Variants in OPCML observed in about 807,000 individuals in gnomAD.
OPCML encodes opioid binding protein/cell adhesion molecule like, also known as opioid-binding protein/cell adhesion molecule.
Under a neutral mutation model 37.8 loss-of-function variants are expected in OPCML, and 13 were observed. The observed-to-expected ratio is 0.34, with a 90% CI of 0.22 to 0.55. OPCML has a LOEUF of 0.55. Among genes scored for constraint, OPCML ranks in the 20% least tolerant of loss-of-function variants. OPCML has a pLI of 0.91. For missense variants in OPCML, 341 were observed against 435.6 expected, an observed-to-expected ratio of 0.78 and a Z score of 1.93; for synonymous variants, 176 against 168.8, an observed-to-expected ratio of 1.04 and a Z score of -0.33.
At chr11:133,310,890 CTTTGT>C (rs990605576) in intron 1 of OPCML, among the ~76,000 whole-genome samples, 2 of 152,192 alleles carry the variant, frequency 1.3e-5, no homozygotes, top group African/African-American at 4.8e-5. Context: ...ACATACTTTG[CTTTGT>C]TCTGGAAAAC....
chr11:132,955,618 T>A (rs140840401), intron 1 of OPCML, among the ~76,000 whole-genome samples: 1 of 152,262 alleles, frequency 6.6e-6, no homozygotes, highest in African/African-American at 2.4e-5. Flanking sequence ...GCGCGGTGGC[T>A]CATGCCTGTA....
intron 2 of OPCML, among the ~76,000 whole-genome samples, chr11:132,908,216 C>A (rs1331321076): frequency 6.6e-6 from 1 of 152,088 alleles, no homozygotes; most frequent in Non-Finnish European, 1.5e-5. Context: ...AGGAGCATGA[C>A]AAATGATGTT....
intron 1 of OPCML, among the ~76,000 whole-genome samples, chr11:133,448,888 T>C (rs1026088351): frequency 1.3e-5 from 2 of 152,240 alleles, no homozygotes; most frequent in African/African-American, 4.8e-5. Flanking sequence ...ACAATGAATA[T>C]TGTGGTTTAT....
chr11:133,101,226 A>C (rs912952957), intron 1 of OPCML, among the ~76,000 whole-genome samples: 1 of 152,152 alleles, frequency 6.6e-6, no homozygotes, highest in Admixed American at 6.6e-5. Flanking sequence ...CCCAGCCCAC[A>C]ACAGTGAGTT....
intron 1 of OPCML, among the ~76,000 whole-genome samples, chr11:133,103,506 GA>G (rs2137076397): frequency 6.6e-6 from 1 of 152,342 alleles, no homozygotes; most frequent in South Asian, 2.1e-4. Flanking sequence ...GCCAGGCATG[GA>G]GGTGTGGATT....
At chr11:132,801,825 T>G (rs1425785787) in intron 2 of OPCML, among the ~76,000 whole-genome samples, 1 of 152,218 alleles carries the variant, frequency 6.6e-6, no homozygotes, top group African/African-American at 2.4e-5. Flanking sequence ...CATACAGTAT[T>G]CTATGTGCTT....
At position 133,208,735 on chromosome 11, in the gene OPCML, C is replaced by G. The variant is rs1474827135; in HGVS notation, c.62-265725G>C. Among the ~76,000 whole-genome samples, 2 of 152,200 alleles carry G rather than the reference C, an allele frequency of 1.3e-5. No individual in the cohort carries two copies. Among genetic ancestry groups the G allele is most frequent in the Non-Finnish European group, 2.9e-5 (2 of 68,046 alleles). ...CAAGTGAATAAAGGCTGCTGTAAGA[C>G]TGAAGCACACGTTATCTAAAGCAAT... On this transcript the variant is annotated intron_variant, in intron 1 of 7. Coordinates refer to ENST00000524381, the MANE Select transcript of OPCML (RefSeq NM_001012393.5). The surrounding 1 kb of genome is among the most constrained non-coding windows in gnomAD (Gnocchi z 8.9).
chr11:133,006,189 T>G, intron 1 of OPCML: 1 of 892,024 alleles, frequency 1.1e-6, no homozygotes, highest in Non-Finnish European at 1.3e-6. Context: ...GTTCGCGCCA[T>G]CTGTAGTAGG....
intron 2 of OPCML, among the ~76,000 whole-genome samples, chr11:132,837,289 G>A (rs1941066869): frequency 6.6e-6 from 1 of 151,992 alleles, no homozygotes; most frequent in Non-Finnish European, 1.5e-5. Flanking sequence ...CTCCAGCCTG[G>A]GCAACAAGAG....
chr11:132,648,883 G>A (rs373675323), intron 3 of OPCML, among the ~76,000 whole-genome samples: 2 of 151,910 alleles, frequency 1.3e-5, no homozygotes, highest in East Asian at 1.9e-4. Flanking sequence ...AGAAAATACC[G>A]ACTCCTCCTA....
At chr11:132,591,570 T>C (rs1433645238) in intron 3 of OPCML, among the ~76,000 whole-genome samples, 1 of 152,224 alleles carries the variant, frequency 6.6e-6, no homozygotes, top group East Asian at 1.9e-4. Context: ...CTCTGAATTT[T>C]AATCCTCCAC....
At chr11:133,158,073 G>A (rs1950086728) in intron 1 of OPCML, among the ~76,000 whole-genome samples, 2 of 152,178 alleles carry the variant, frequency 1.3e-5, no homozygotes, top group African/African-American at 4.8e-5. Context: ...TTTGGAACTT[G>A]GCTCTGGAAA....
chr11:132,605,794 C>T (rs140972116), intron 3 of OPCML, among the ~76,000 whole-genome samples: 4 of 152,122 alleles, frequency 2.6e-5, no homozygotes, highest in African/African-American at 9.7e-5. Flanking sequence ...TGTCCATGTC[C>T]AATCTACATA....
At chr11:132,516,346 C>T (rs112929457) in intron 4 of OPCML, among the ~76,000 whole-genome samples, 34 of 152,278 alleles carry the variant, frequency 2.2e-4, no homozygotes, top group Middle Eastern at 6.8e-3. Flanking sequence ...CAGATTTCCC[C>T]TTCACTGTAC....
At chr11:132,643,319 G>T (rs1377700039) in intron 3 of OPCML, among the ~76,000 whole-genome samples, 1 of 152,202 alleles carries the variant, frequency 6.6e-6, no homozygotes, top group African/African-American at 2.4e-5. Context: ...CTTGCTGAAG[G>T]AGCTCAGGCA....
At chr11:133,047,717 A>G (rs4482038) in intron 1 of OPCML, among the ~76,000 whole-genome samples, 25,242 of 152,152 alleles carry the variant, frequency 0.17, 2,717 homozygotes, top group African/African-American at 0.29. Context: ...CTCAGGGAGC[A>G]GCTTGAAAGA....
chr11:132,915,160 C>T (rs1485088330), intron 2 of OPCML, among the ~76,000 whole-genome samples: 1 of 152,110 alleles, frequency 6.6e-6, no homozygotes, highest in Admixed American at 6.5e-5. Flanking sequence ...TCTCATTCAC[C>T]TCTTCAGGGG....
chr11:132,628,860 TG>T (rs1425679553), intron 3 of OPCML, among the ~76,000 whole-genome samples: 1 of 152,168 alleles, frequency 6.6e-6, no homozygotes, highest in African/African-American at 2.4e-5. Flanking sequence ...TGGCACTTCT[TG>T]CTGCTGCCAT....
intron 3 of OPCML, among the ~76,000 whole-genome samples, chr11:132,568,248 T>G (rs949357010): frequency 8.5e-5 from 13 of 152,194 alleles, no homozygotes. Context: ...ACAAAGTCCC[T>G]TATACAAGGT....
Sources: gnomAD v4.1 joint callset for allele counts (sites outside exome capture counted in the v4.1 genomes callset) on GRCh38, gnomAD v4.1.1 for gene constraint, Gnocchi (gnomAD v3.1) non-coding constraint, MANE v1.5 for transcripts, NCBI Gene and HGNC (gene_info 2026-07-23, HGNC 2026-07-21) for gene names.